DIS3L2: variants seen among roughly 807,000 people sequenced by gnomAD.
DIS3L2 encodes DIS3 like 3'-5' exoribonuclease 2, also known as DIS3-like exonuclease 2.
DIS3L2 carries 34 observed loss-of-function variants against 97.5 expected under a neutral mutation model. The ratio of observed to expected loss-of-function variants is 0.35; its 90% CI spans 0.27 to 0.46. The LOEUF (loss-of-function observed/expected upper bound fraction) is 0.46. Ranked by LOEUF, DIS3L2 falls within the 20% of genes least tolerant of loss-of-function variation. The pLI, the probability that DIS3L2 is intolerant of heterozygous loss-of-function variation, is 1.00. For synonymous variants in DIS3L2, 435 were observed against 445.2 expected (o/e 0.98, Z 0.29); for missense variants, 1,038 against 1,146.0 (o/e 0.91, Z 1.36).
At chr2:232,252,188 G>T (rs1327939649) in intron 12 of DIS3L2, among the ~76,000 whole-genome samples, 1 of 152,070 alleles carries the variant, frequency 6.6e-6, no homozygotes, top group East Asian at 1.9e-4. Context: ...CAGGTAGATC[G>T]CTTGAGGTCA....
At chr2:232,343,724 G>A in exon 14 of DIS3L2, 1 of 833,184 alleles carries the variant, frequency 1.2e-6, no homozygotes, top group Non-Finnish European at 1.9e-6. Flanking sequence ...CAGAGTTACG[G>A]AGCTCGCCTC....
At chr2:231,984,993 G>A (rs780558311) in intron 1 of DIS3L2, among the ~76,000 whole-genome samples, 1 of 152,188 alleles carries the variant, frequency 6.6e-6, no homozygotes, top group African/African-American at 2.4e-5. Context: ...GAAATCCCGT[G>A]TACCCTTCAC....
intron 1 of DIS3L2, among the ~76,000 whole-genome samples, chr2:231,990,912 A>G (rs138802402): frequency 2.9e-4 from 44 of 152,280 alleles, no homozygotes; most frequent in African/African-American, 9.1e-4. Flanking sequence ...TTGGAGTGCT[A>G]TATGAATTTA....
intron 12 of DIS3L2, 31 bp from the exon 13 acceptor site, chr2:232,263,176 C>A (rs774739090): frequency 6.2e-7 from 1 of 1,606,090 alleles, no homozygotes; most frequent in East Asian, 2.2e-5. Flanking sequence ...TTTGTCCTCA[C>A]AATTCCCTTG....
At chr2:232,329,761 G>A (rs1695677410) in intron 14 of DIS3L2, 52 bp from the exon 15 acceptor site, 24 of 1,426,272 alleles carry the variant, frequency 1.7e-5, no homozygotes, top group Middle Eastern at 2.6e-4. Flanking sequence ...GAAAGCCTGC[G>A]CACCTGTCCC....
In DIS3L2 at chr2:232,300,859, G is replaced by T. The variant is rs569282877; in HGVS notation, c.1739+740G>T. Among the ~76,000 whole-genome samples, 82 of 152,128 alleles carry T rather than the reference G, an allele frequency of 5.4e-4. 1 individual carries two copies. In the South Asian group the frequency reaches 0.016, roughly 30 times the overall value. ...AGTACAGACAGGGTCTCCCTATGTT[G>T]CCCTGGTTGGTCTTGAACTCCTGAG... On this transcript the variant is annotated intron_variant, in intron 14 of 20. Coordinates refer to ENST00000325385, the MANE Select transcript of DIS3L2 (RefSeq NM_152383.5).
chr2:232,086,259 G>C (rs917393420), intron 5 of DIS3L2, among the ~76,000 whole-genome samples: 2 of 146,870 alleles, frequency 1.4e-5, no homozygotes, highest in Non-Finnish European at 3.0e-5. Flanking sequence ...ACGTATAGAC[G>C]TGTATACGTG....
intron 14 of DIS3L2, among the ~76,000 whole-genome samples, chr2:232,314,115 T>C (rs1203760523): frequency 2.6e-5 from 4 of 152,166 alleles, no homozygotes; most frequent in Non-Finnish European, 4.4e-5. Flanking sequence ...AAAGGAGCCC[T>C]CTGGGCCTGC....
At chr2:232,096,798 T>G (rs1210210879) in intron 6 of DIS3L2, among the ~76,000 whole-genome samples, 6 of 152,222 alleles carry the variant, frequency 3.9e-5, no homozygotes, top group Admixed American at 6.5e-5. Context: ...TCTTTGGTAA[T>G]TTATCTGATA....
intron 16 of DIS3L2, 58 bp downstream of exon 16, chr2:232,330,834 T>C (rs1695714887): frequency 6.5e-7 from 1 of 1,533,214 alleles, no homozygotes; most frequent in African/African-American, 1.4e-5. Context: ...GCCCCAGACC[T>C]GTGACCTCCA....
intron 6 of DIS3L2, among the ~76,000 whole-genome samples, chr2:232,102,783 G>C (rs1004837222): frequency 6.6e-6 from 1 of 152,142 alleles, no homozygotes; most frequent in Non-Finnish European, 1.5e-5. Context: ...AGCTGGCATT[G>C]CTCATCCCAT....
chr2:232,015,184 A>G (rs1445062838), intron 2 of DIS3L2, among the ~76,000 whole-genome samples: 1 of 152,166 alleles, frequency 6.6e-6, no homozygotes. Flanking sequence ...CAGCTGTTTA[A>G]TTTCCTCTAG....
intron 6 of DIS3L2, among the ~76,000 whole-genome samples, chr2:232,107,811 T>C (rs1019746981): frequency 5.3e-5 from 8 of 152,114 alleles, no homozygotes; most frequent in African/African-American, 1.7e-4. Flanking sequence ...AAGAAATAGA[T>C]AAATTCCTGG....
chr2:232,112,718 C>G (rs1294804183), intron 6 of DIS3L2, among the ~76,000 whole-genome samples: 3 of 152,024 alleles, frequency 2.0e-5, no homozygotes, highest in Non-Finnish European at 4.4e-5. Flanking sequence ...AACAGAGGCT[C>G]TAGCAACTGT....
At chr2:232,170,578 T>C (rs1690955617) in intron 9 of DIS3L2, among the ~76,000 whole-genome samples, 1 of 152,212 alleles carries the variant, frequency 6.6e-6, no homozygotes, top group East Asian at 1.9e-4. Context: ...CACTTAAAAT[T>C]GCTTGCTCTA....
chr2:232,127,338 CCACTAT>C (rs1331961258), intron 6 of DIS3L2, among the ~76,000 whole-genome samples: 2 of 152,174 alleles, frequency 1.3e-5, no homozygotes, highest in Admixed American at 1.3e-4. Context: ...ATAAGTGATG[CCACTAT>C]CAACCTAATT....
At chr2:232,217,882 C>A (rs908051726) in intron 10 of DIS3L2, among the ~76,000 whole-genome samples, 1 of 152,124 alleles carries the variant, frequency 6.6e-6, no homozygotes, top group African/African-American at 2.4e-5. Flanking sequence ...AGCATGGACA[C>A]CCATGTAGAA....
intron 5 of DIS3L2, among the ~76,000 whole-genome samples, chr2:232,038,906 A>C (rs1047457650): frequency 6.6e-6 from 1 of 152,146 alleles, no homozygotes; most frequent in Non-Finnish European, 1.5e-5. Context: ...AATTTTATGA[A>C]TTTCTAGGTC....
rs1695987501 is a variant in DIS3L2, at chr2:232,337,178, G to T, written c.*548G>T. ...AGTCTCATTCTGCCTGATTAAAAAT[G>T]GAATTAGTATGCAACACTGAGAGCG... On this transcript the variant is annotated 3_prime_UTR_variant, in exon 21 of 21. Coordinates refer to ENST00000325385, the MANE Select transcript of DIS3L2 (RefSeq NM_152383.5). 1 of 996,022 alleles carries T rather than the reference G, an allele frequency of 1.0e-6. No individual in the cohort carries two copies. Among genetic ancestry groups the T allele is most frequent in the African/African-American group, 1.7e-5 (1 of 57,160 alleles). 61.7% of individuals were successfully genotyped at this position (996,022 alleles called of 1,614,324 possible).
Sources: gnomAD v4.1 joint callset for allele counts (sites outside exome capture counted in the v4.1 genomes callset) on GRCh38, gnomAD v4.1.1 for gene constraint, MANE v1.5 for transcripts, NCBI Gene and HGNC (gene_info 2026-07-23, HGNC 2026-07-21) for gene names.